The following PLXDC2 variants were observed in gnomAD, a reference collection of about 807,000 sequenced individuals.
The protein encoded by PLXDC2 is plexin domain-containing protein 2.
Under a neutral mutation model 68.9 loss-of-function variants are expected in PLXDC2, and 40 were observed. That is an observed-to-expected ratio of 0.58 (90% CI 0.45 to 0.76). The LOEUF (loss-of-function observed/expected upper bound fraction) is 0.76. PLXDC2 is among the 30% of genes least tolerant of loss of function. PLXDC2 has a pLI of 0.00. For synonymous variants in PLXDC2, 243 were observed against 234.2 expected (o/e 1.04, Z -0.34); for missense variants, 644 against 661.9 (o/e 0.97, Z 0.30).
intron 2 of PLXDC2, among the ~76,000 whole-genome samples, chr10:20,044,295 TC>T (rs1835758170): frequency 2.3e-5 from 3 of 129,756 alleles, no homozygotes; most frequent in East Asian, 2.2e-4. Context: ...CTTTCTTTCT[TC>T]TTTCTCTCTC....
At chr10:19,932,207 G>T (rs1025424932) in intron 1 of PLXDC2, among the ~76,000 whole-genome samples, 1 of 152,150 alleles carries the variant, frequency 6.6e-6, no homozygotes, top group African/African-American at 2.4e-5. Flanking sequence ...AATTGCTGGT[G>T]TTATTCCTAC....
At chr10:19,906,515 C>T (rs1002254988) in intron 1 of PLXDC2, among the ~76,000 whole-genome samples, 1 of 152,104 alleles carries the variant, frequency 6.6e-6, no homozygotes, top group African/African-American at 2.4e-5. Context: ...CCTTAGTTGC[C>T]TGTTACATGA....
At chr10:20,014,646 A>G (rs983425642) in intron 2 of PLXDC2, among the ~76,000 whole-genome samples, 1 of 152,132 alleles carries the variant, frequency 6.6e-6, no homozygotes, top group Non-Finnish European at 1.5e-5. Flanking sequence ...GCTCCCTTGA[A>G]TAAGTTTGCT....
chr10:19,894,185 G>A (rs7920246), intron 1 of PLXDC2, among the ~76,000 whole-genome samples: 20 of 152,220 alleles, frequency 1.3e-4, no homozygotes, highest in African/African-American at 4.6e-4. Context: ...AATTTCTGCA[G>A]TGTCCCTGAA....
At chr10:20,248,854 T>C (rs1156761899) in intron 13 of PLXDC2, among the ~76,000 whole-genome samples, 1 of 152,188 alleles carries the variant, frequency 6.6e-6, no homozygotes, top group Non-Finnish European at 1.5e-5. Context: ...CCTTTTATGT[T>C]CCATATTATA....
chr10:19,919,108 G>A (rs780562303), intron 1 of PLXDC2, among the ~76,000 whole-genome samples: 10 of 152,158 alleles, frequency 6.6e-5, no homozygotes, highest in Non-Finnish European at 1.3e-4. Flanking sequence ...ATTGCACTGT[G>A]GCTATAAACT....
chr10:19,904,073 A>G, intron 1 of PLXDC2, among the ~76,000 whole-genome samples: 1 of 152,054 alleles, frequency 6.6e-6, no homozygotes, highest in East Asian at 1.9e-4. Flanking sequence ...GATTTTCTTA[A>G]ATTTACTGAG....
At chr10:19,937,203 G>T (rs550514347) in intron 1 of PLXDC2, among the ~76,000 whole-genome samples, 3 of 152,140 alleles carry the variant, frequency 2.0e-5, no homozygotes, top group African/African-American at 7.2e-5. Context: ...TCTGCATGTG[G>T]GACAAATTAA....
chr10:20,165,463 G>A (rs1351975994), intron 7 of PLXDC2, among the ~76,000 whole-genome samples: 2 of 150,622 alleles, frequency 1.3e-5, no homozygotes, highest in African/African-American at 2.4e-5. Context: ...AGAGTATGAT[G>A]TTCCCCTTCC....
intron 4 of PLXDC2, 71 bp downstream of exon 4, chr10:20,068,310 C>G (rs1216905755): frequency 4.8e-6 from 6 of 1,248,078 alleles, no homozygotes; most frequent in African/African-American, 1.5e-5. Context: ...TTAAGTTACT[C>G]TATATTTCAA....
chr10:19,892,659 G>A (rs1048240262), intron 1 of PLXDC2, among the ~76,000 whole-genome samples: 2 of 152,228 alleles, frequency 1.3e-5, no homozygotes, highest in Non-Finnish European at 1.5e-5. Flanking sequence ...TGTATTTAAA[G>A]GAAAGATAGC....
intron 1 of PLXDC2, among the ~76,000 whole-genome samples, chr10:20,000,995 T>C (rs911679064): frequency 3.9e-5 from 6 of 152,198 alleles, no homozygotes; most frequent in Non-Finnish European, 8.8e-5. Context: ...TTTTTCCTCC[T>C]GGAGTAGCAG....
At chr10:19,970,327 G>T (rs946274168) in intron 1 of PLXDC2, among the ~76,000 whole-genome samples, 3 of 152,248 alleles carry the variant, frequency 2.0e-5, no homozygotes, top group Middle Eastern at 3.4e-3. Context: ...ATCATAATCA[G>T]GAGGCTGAAT....
chr10:19,840,196 A>AT lies in PLXDC2; in HGVS notation c.112+23014dup, dbSNP rs200055815. ...TATCTATATATAGTTGTGAAATGCTATTTTTTTTTCAGGAAAGGAATCTCT... is the reference window on the plus strand; with the variant it reads ...TATCTATATATAGTTGTGAAATGCTATTTTTTTTTTCAGGAAAGGAATCTCT... On this transcript the variant is annotated intron_variant, in intron 1 of 13. Transcript: ENST00000377252. Among the ~76,000 whole-genome samples the AT allele has an allele frequency of 5.3e-3, 805 of 150,792 alleles. 4 individuals are homozygous for AT. The highest frequency in any genetic ancestry group is 0.018 in the African/African-American group (727 of 41,128).
chr10:20,229,517 CAAAAAAA>C (rs58386547), intron 12 of PLXDC2, among the ~76,000 whole-genome samples: 5 of 105,666 alleles, frequency 4.7e-5, no homozygotes, highest in Admixed American at 1.1e-4. Flanking sequence ...CCACTTTAAG[CAAAAAAA>C]AAAAAAAAAA....
chr10:19,980,240 T>C (rs1220578878), intron 1 of PLXDC2, among the ~76,000 whole-genome samples: 1 of 152,224 alleles, frequency 6.6e-6, no homozygotes, highest in Non-Finnish European at 1.5e-5. Flanking sequence ...TGGGTATATC[T>C]AGTTGAAGGG....
intron 4 of PLXDC2, among the ~76,000 whole-genome samples, chr10:20,082,667 TA>T (rs1447918191): frequency 5.9e-5 from 9 of 152,324 alleles, no homozygotes; most frequent in African/African-American, 2.2e-4. Context: ...ATATAAAATG[TA>T]TAACTAACAC....
chr10:20,101,842 G>A, intron 4 of PLXDC2, among the ~76,000 whole-genome samples: 1 of 151,092 alleles, frequency 6.6e-6, no homozygotes. Context: ...CTGTTGCCCA[G>A]GCTGGAGTGC....
intron 1 of PLXDC2, among the ~76,000 whole-genome samples, chr10:19,826,822 T>C (rs1433798361): frequency 1.3e-5 from 2 of 152,250 alleles, no homozygotes; most frequent in Non-Finnish European, 1.5e-5. Context: ...ATAGCTCCTG[T>C]ATCAGAATCT....
Sources: gnomAD v4.1 joint callset for allele counts (sites outside exome capture counted in the v4.1 genomes callset) on GRCh38, gnomAD v4.1.1 for gene constraint, MANE v1.5 for transcripts, NCBI Gene and HGNC (gene_info 2026-07-23, HGNC 2026-07-21) for gene names.